PCDH9: variants seen among roughly 807,000 people sequenced by gnomAD.
PCDH9 encodes the protein protocadherin-9.
Under a neutral mutation model 70.6 loss-of-function variants are expected in PCDH9, and 24 were observed. The observed-to-expected ratio is 0.34, with a 90% CI of 0.25 to 0.48. The LOEUF is 0.48. Among genes scored for constraint, PCDH9 ranks in the 20% least tolerant of loss-of-function variants. The probability of loss-of-function intolerance (pLI) is 0.99; values close to 1 mark genes in which losing one functional copy is unlikely to be tolerated. For synonymous variants in PCDH9, 562 were observed against 558.5 expected, an observed-to-expected ratio of 1.01 and a Z score of -0.09; for missense variants, 1,281 against 1,503.6, an observed-to-expected ratio of 0.85 and a Z score of 2.45.
At chr13:66,506,587 C>T (rs1959218284) in intron 4 of PCDH9, among the ~76,000 whole-genome samples, 1 of 152,124 alleles carries the variant, frequency 6.6e-6, no homozygotes, top group African/African-American at 2.4e-5. Flanking sequence ...GGCTGGAGTC[C>T]ATTTTGCGGT....
chr13:66,916,621 T>G (rs1370789018), intron 2 of PCDH9, among the ~76,000 whole-genome samples: 3 of 151,564 alleles, frequency 2.0e-5, no homozygotes, highest in Non-Finnish European at 4.4e-5. Context: ...GTCTAAGAGC[T>G]GTATATGTAA....
chr13:66,511,854 T>C (rs1959488657), intron 4 of PCDH9, among the ~76,000 whole-genome samples: 1 of 152,158 alleles, frequency 6.6e-6, no homozygotes, highest in African/African-American at 2.4e-5. Context: ...AAGCAAAAGC[T>C]GCTATGCTTC....
In PCDH9 at chr13:67,108,085, C is replaced by G. The variant is rs546112829; in HGVS notation, c.3036+117320G>C. On this transcript the variant is annotated intron_variant, in intron 2 of 4. Transcript: ENST00000377865. Reference sequence around the variant, plus strand: ...CCTGGCTATGCACAGTGGCCAGACCCTGTGCTCAGTTGCCCACACTCCTCT... The same window carrying G: ...CCTGGCTATGCACAGTGGCCAGACCGTGTGCTCAGTTGCCCACACTCCTCT... Among the ~76,000 whole-genome samples, 7 of 152,342 alleles carry G rather than the reference C, an allele frequency of 4.6e-5. No homozygotes were observed. The East Asian group carries it at 1.2e-3, about 25-fold the overall frequency.
chr13:66,680,551 T>C (rs1233220129), intron 3 of PCDH9, among the ~76,000 whole-genome samples: 1 of 152,000 alleles, frequency 6.6e-6, no homozygotes, highest in Non-Finnish European at 1.5e-5. Flanking sequence ...TTTCACAAAG[T>C]GTTTTTTGAC....
intron 4 of PCDH9, among the ~76,000 whole-genome samples, chr13:66,539,237 A>T (rs1369291344): frequency 6.6e-6 from 1 of 152,066 alleles, no homozygotes; most frequent in East Asian, 1.9e-4. Context: ...ATCTTACTAC[A>T]ATCTACTGGA....
intron 2 of PCDH9, among the ~76,000 whole-genome samples, chr13:67,105,537 A>T (rs984445828): frequency 6.6e-6 from 1 of 152,126 alleles, no homozygotes; most frequent in African/African-American, 2.4e-5. Context: ...CTGTGAAATA[A>T]ATGTGTGCTT....
intron 2 of PCDH9, chr13:67,207,397 C>T (rs1483853590): frequency 6.6e-6 from 1 of 152,180 alleles, no homozygotes; most frequent in Admixed American, 6.5e-5. Context: ...GCAAATCATT[C>T]AACTTCTCCT....
intron 3 of PCDH9, among the ~76,000 whole-genome samples, chr13:66,901,271 T>C (rs2082272506): frequency 6.6e-6 from 1 of 151,772 alleles, no homozygotes; most frequent in African/African-American, 2.4e-5. Flanking sequence ...AAGGACAAAA[T>C]GTGAATGATG....
intron 2 of PCDH9, among the ~76,000 whole-genome samples, chr13:66,972,578 T>G (rs2083544446): frequency 6.6e-6 from 1 of 151,992 alleles, no homozygotes; most frequent in African/African-American, 2.4e-5. Flanking sequence ...CTGTGATTTT[T>G]TAAATTCATA....
At chr13:66,548,727 G>GA (rs1057462770) in intron 4 of PCDH9, among the ~76,000 whole-genome samples, 3 of 151,902 alleles carry the variant, frequency 2.0e-5, no homozygotes, top group Non-Finnish European at 4.4e-5. Context: ...TCATTTTCAT[G>GA]AAAAAAATGG....
At chr13:66,701,798 T>G (rs181430247) in intron 3 of PCDH9, among the ~76,000 whole-genome samples, 1 of 152,306 alleles carries the variant, frequency 6.6e-6, no homozygotes, top group Non-Finnish European at 1.5e-5. Context: ...GGTTAAAAAT[T>G]AGCAAAAAAA....
At chr13:66,744,143 G>A (rs2079318951) in intron 3 of PCDH9, among the ~76,000 whole-genome samples, 1 of 152,144 alleles carries the variant, frequency 6.6e-6, no homozygotes, top group Admixed American at 6.5e-5. Flanking sequence ...ATGGAATTCT[G>A]ACTGTCTCCA....
intron 3 of PCDH9, among the ~76,000 whole-genome samples, chr13:66,699,809 T>C (rs1032719662): frequency 3.3e-5 from 5 of 152,110 alleles, no homozygotes; most frequent in African/African-American, 1.2e-4. Flanking sequence ...CAAAGGCAAA[T>C]ACAAGTTGCA....
At chr13:66,630,604 T>C (rs958255887) in intron 4 of PCDH9, 2 of 152,010 alleles carry the variant, frequency 1.3e-5, no homozygotes, top group Non-Finnish European at 1.5e-5. Context: ...AGCATAGTAG[T>C]AAAAAAACAA....
At chr13:66,347,602 T>C (rs1015740839) in intron 4 of PCDH9, among the ~76,000 whole-genome samples, 5 of 152,212 alleles carry the variant, frequency 3.3e-5, no homozygotes, top group African/African-American at 9.6e-5. Flanking sequence ...GTCATCCTAA[T>C]TGAGATCTGT....
chr13:66,684,671 G>T (rs1734432778), intron 3 of PCDH9, among the ~76,000 whole-genome samples: 1 of 152,198 alleles, frequency 6.6e-6, no homozygotes, highest in African/African-American at 2.4e-5. Flanking sequence ...ATGTGGAACT[G>T]TGAGTCAATT....
chr13:66,569,809 G>T (rs921325547), intron 4 of PCDH9, among the ~76,000 whole-genome samples: 2 of 152,112 alleles, frequency 1.3e-5, no homozygotes, highest in African/African-American at 2.4e-5. Flanking sequence ...CTCATCTGTT[G>T]TATTGGGAAT....
At chr13:66,451,776 A>G (rs1958216801) in intron 4 of PCDH9, among the ~76,000 whole-genome samples, 1 of 152,220 alleles carries the variant, frequency 6.6e-6, no homozygotes, top group Non-Finnish European at 1.5e-5. Flanking sequence ...AATGTATACT[A>G]TTAACATATG....
At chr13:66,686,000 T>C (rs1039408380) in intron 3 of PCDH9, among the ~76,000 whole-genome samples, 5 of 152,144 alleles carry the variant, frequency 3.3e-5, no homozygotes, top group African/African-American at 7.2e-5. Flanking sequence ...GGACTTGGAC[T>C]TTTGGGTTAA....
Sources: gnomAD v4.1 joint callset for allele counts (sites outside exome capture counted in the v4.1 genomes callset) on GRCh38, gnomAD v4.1.1 for gene constraint, MANE v1.5 for transcripts, NCBI Gene and HGNC (gene_info 2026-07-23, HGNC 2026-07-21) for gene names.